ASIC2: variants seen among roughly 807,000 people sequenced by gnomAD.
The protein encoded by ASIC2 is acid sensing ion channel subunit 2.
ASIC2 carries 25 observed loss-of-function variants against 57.3 expected under a neutral mutation model. That is an observed-to-expected ratio of 0.44 (90% CI 0.32 to 0.61). ASIC2 has a LOEUF of 0.61. Ranked by LOEUF, ASIC2 falls within the 20% of genes least tolerant of loss-of-function variation. The pLI is 0.06. For missense variants in ASIC2, 641 were observed against 738.1 expected, an observed-to-expected ratio of 0.87 and a Z score of 1.52; for synonymous variants, 319 against 307.5, an observed-to-expected ratio of 1.04 and a Z score of -0.39.
chr17:33,986,336 T>C (rs1905817088), intron 1 of ASIC2, among the ~76,000 whole-genome samples: 1 of 151,968 alleles, frequency 6.6e-6, no homozygotes. Flanking sequence ...TGGAATATAG[T>C]AAGCATCATT....
intron 1 of ASIC2, among the ~76,000 whole-genome samples, chr17:33,217,750 G>A (rs933887493): frequency 1.3e-5 from 2 of 152,218 alleles, no homozygotes; most frequent in Non-Finnish European, 2.9e-5. Context: ...AGAGATAACA[G>A]CATCACCTTG....
At chr17:33,584,945 G>A (rs533405480) in intron 1 of ASIC2, among the ~76,000 whole-genome samples, 10 of 152,198 alleles carry the variant, frequency 6.6e-5, no homozygotes, top group East Asian at 1.9e-4. Flanking sequence ...GAGGGAAAAC[G>A]TCAGAGAAGG....
chr17:33,368,386 T>G (rs2141936682), intron 1 of ASIC2, among the ~76,000 whole-genome samples: 1 of 152,294 alleles, frequency 6.6e-6, no homozygotes. Flanking sequence ...TGGGTGAAAC[T>G]TCAGATAATT....
At chr17:33,383,640 A>C (rs1909567430) in intron 1 of ASIC2, among the ~76,000 whole-genome samples, 1 of 152,334 alleles carries the variant, frequency 6.6e-6, no homozygotes, top group South Asian at 2.1e-4. Context: ...GAGTCAGGTT[A>C]GCCCCCACCA....
intron 1 of ASIC2, among the ~76,000 whole-genome samples, chr17:33,463,546 A>G (rs1211134441): frequency 1.3e-5 from 2 of 152,218 alleles, no homozygotes; most frequent in Non-Finnish European, 2.9e-5. Flanking sequence ...GAATATATCT[A>G]CAGGCAATGG....
At chr17:33,366,758 A>T (rs890671352) in intron 1 of ASIC2, among the ~76,000 whole-genome samples, 2 of 152,186 alleles carry the variant, frequency 1.3e-5, no homozygotes, top group African/African-American at 2.4e-5. Flanking sequence ...CTGTATTATA[A>T]TTTTTTTAAA....
intron 1 of ASIC2, among the ~76,000 whole-genome samples, chr17:34,011,348 T>G (rs983017400): frequency 1.3e-5 from 2 of 152,132 alleles, no homozygotes; most frequent in African/African-American, 2.4e-5. Context: ...TCTATTTTTT[T>G]GGGCTCAGGT....
intron 2 of ASIC2, among the ~76,000 whole-genome samples, chr17:33,103,025 C>A (rs1000878604): frequency 6.6e-6 from 1 of 152,124 alleles, no homozygotes; most frequent in Admixed American, 6.5e-5. Flanking sequence ...CCTCGTGATC[C>A]GCCCGCCTTG....
At chr17:33,923,350 T>C (rs761488646) in intron 1 of ASIC2, among the ~76,000 whole-genome samples, 2 of 152,206 alleles carry the variant, frequency 1.3e-5, no homozygotes, top group Non-Finnish European at 2.9e-5. Flanking sequence ...CCCAACCACA[T>C]TTATATGAAA....
chr17:33,224,524 G>A (rs917661188), intron 1 of ASIC2, among the ~76,000 whole-genome samples: 2 of 152,074 alleles, frequency 1.3e-5, no homozygotes, highest in African/African-American at 2.4e-5. Context: ...GCAAGAATAC[G>A]GATCTAACTA....
At chr17:33,244,303 G>A (rs1908614345) in intron 1 of ASIC2, among the ~76,000 whole-genome samples, 1 of 152,200 alleles carries the variant, frequency 6.6e-6, no homozygotes, top group African/African-American at 2.4e-5. Context: ...CAGGTTAGGT[G>A]ATCATCCATT....
intron 1 of ASIC2, among the ~76,000 whole-genome samples, chr17:33,912,506 A>AC: frequency 6.6e-6 from 1 of 152,130 alleles, no homozygotes; most frequent in Admixed American, 6.5e-5. Context: ...ACAAACAAAA[A>AC]TAAAAAAATA....
chr17:33,424,568 C>G (rs1301170062), intron 1 of ASIC2, among the ~76,000 whole-genome samples: 3 of 152,226 alleles, frequency 2.0e-5, no homozygotes, highest in Non-Finnish European at 2.9e-5. Flanking sequence ...AAGCTAATGT[C>G]TTTATCTGGA....
At chr17:33,804,063 G>GA (rs1482304458) in intron 1 of ASIC2, among the ~76,000 whole-genome samples, 2 of 152,178 alleles carry the variant, frequency 1.3e-5, no homozygotes, top group Non-Finnish European at 2.9e-5. Flanking sequence ...AAGTCAGCTT[G>GA]AGACCTTTCC....
intron 1 of ASIC2, among the ~76,000 whole-genome samples, chr17:33,463,065 T>C (rs1473287668): frequency 6.6e-6 from 1 of 152,206 alleles, no homozygotes; most frequent in Admixed American, 6.5e-5. Context: ...TTTCTGAGAT[T>C]TTCTAAGACG....
At chr17:34,119,680 C>G (rs1007807019) in intron 1 of ASIC2, among the ~76,000 whole-genome samples, 2 of 152,042 alleles carry the variant, frequency 1.3e-5, no homozygotes, top group Non-Finnish European at 2.9e-5. Context: ...CCCACTCCCC[C>G]TCTCTATGAA....
chr17:34,140,030 A>G (rs1374249508), intron 1 of ASIC2, among the ~76,000 whole-genome samples: 1 of 152,204 alleles, frequency 6.6e-6, no homozygotes, highest in Non-Finnish European at 1.5e-5. Context: ...TTGTATCTTC[A>G]ATGGGTCTTG....
intron 3 of ASIC2, among the ~76,000 whole-genome samples, chr17:33,074,235 C>T (rs1443572935): frequency 6.6e-6 from 1 of 152,146 alleles, no homozygotes; most frequent in Non-Finnish European, 1.5e-5. Flanking sequence ...TGTTTCCTCC[C>T]TGGCATTTTC....
intron 1 of ASIC2, among the ~76,000 whole-genome samples, chr17:33,848,694 T>C (rs1439519011): frequency 6.6e-6 from 1 of 152,046 alleles, no homozygotes; most frequent in Non-Finnish European, 1.5e-5. Context: ...TTCTAGGCAG[T>C]AGCTGGATGG....
Sources: allele counts gnomAD v4.1 joint callset (sites outside exome capture counted in the v4.1 genomes callset), GRCh38; gene constraint gnomAD v4.1.1; transcripts MANE v1.5; gene names NCBI Gene and HGNC (gene_info 2026-07-23, HGNC 2026-07-21).